The following SH3BGRL2 variants were observed in gnomAD, a reference collection of about 807,000 sequenced individuals.
SH3BGRL2 encodes the protein SH3 domain binding glutamate rich protein like 2.
In SH3BGRL2, 21 loss-of-function variants were observed where a neutral mutation model predicts 14.8. That is an observed-to-expected ratio of 1.42 (90% confidence interval 1.01 to 2.05). The LOEUF (loss-of-function observed/expected upper bound fraction) is 2.05, where lower values mean the gene tolerates loss of function less well. SH3BGRL2 is among the 30% of genes most tolerant of loss of function. SH3BGRL2 has a pLI of 0.00. For missense variants in SH3BGRL2, 147 were observed against 130.8 expected (o/e 1.12, Z -0.61); for synonymous variants, 50 against 47.8 (o/e 1.05, Z -0.19).
At chr6:79,673,824 C>T in intron 2 of SH3BGRL2, 25 bp downstream of exon 2, 1 of 1,601,024 alleles carries the variant, frequency 6.2e-7, no homozygotes. Context: ...TGTTATCATG[C>T]TGTTTCTTTT....
At chr6:79,576,983 C>T in the SH3BGRL2 span, among the ~76,000 whole-genome samples, 1 of 152,112 alleles carries the variant, frequency 6.6e-6, no homozygotes, top group South Asian at 2.1e-4. Context: ...GTAGTTTTAG[C>T]TTTTACATTT....
chr6:79,543,902 C>A, the SH3BGRL2 span, among the ~76,000 whole-genome samples: 1 of 152,236 alleles, frequency 6.6e-6, no homozygotes, highest in East Asian at 1.9e-4. Flanking sequence ...TCTAACAGAA[C>A]CTTTTAAAGA....
chr6:79,609,576 A>G, the SH3BGRL2 span, among the ~76,000 whole-genome samples: 1 of 152,144 alleles, frequency 6.6e-6, no homozygotes, highest in South Asian at 2.1e-4. Context: ...AGTCAACAGA[A>G]CTATCCGAGT....
At chr6:79,572,743 G>A in the SH3BGRL2 span, among the ~76,000 whole-genome samples, 2,867 of 152,278 alleles carry the variant, frequency 0.019, 38 homozygotes, top group Middle Eastern at 0.048. Flanking sequence ...GGGATTACAG[G>A]CGTGAGCCAC....
chr6:79,684,854 T>C (rs1327106803), intron 2 of SH3BGRL2, among the ~76,000 whole-genome samples: 2 of 152,212 alleles, frequency 1.3e-5, no homozygotes, highest in Non-Finnish European at 2.9e-5. Flanking sequence ...AGATCAGTTA[T>C]CTAATCAAGG....
At chr6:79,678,427 C>A (rs777075068) in intron 2 of SH3BGRL2, among the ~76,000 whole-genome samples, 14 of 152,168 alleles carry the variant, frequency 9.2e-5, no homozygotes, top group Non-Finnish European at 2.1e-4. Context: ...CTTAGCATAT[C>A]TTCAAGGTTC....
At chr6:79,628,182 C>T (rs1768764874), upstream of SH3BGRL2, among the ~76,000 whole-genome samples, 1 of 152,048 alleles carries the variant, frequency 6.6e-6, no homozygotes, top group Non-Finnish European at 1.5e-5. Flanking sequence ...AAGAATCATA[C>T]ATATTATCAT....
At chr6:79,584,089 C>T in the SH3BGRL2 span, among the ~76,000 whole-genome samples, 4 of 152,186 alleles carry the variant, frequency 2.6e-5, no homozygotes, top group East Asian at 7.7e-4. Flanking sequence ...GGTTCAAAAT[C>T]GTAGAATTAT....
chr6:79,678,010 A>G (rs1328897911), intron 2 of SH3BGRL2, among the ~76,000 whole-genome samples: 1 of 152,216 alleles, frequency 6.6e-6, no homozygotes, highest in East Asian at 1.9e-4. Flanking sequence ...TGCATCAGAA[A>G]TGAAAACTCA....
At chr6:79,693,379 G>A (rs4333371) in intron 2 of SH3BGRL2, among the ~76,000 whole-genome samples, 94,189 of 149,722 alleles carry the variant, frequency 0.63, 30,194 homozygotes, top group East Asian at 0.93. Flanking sequence ...CCCTGGCCAG[G>A]ACTTCCAACA....
At chr6:79,580,355 C>T in the SH3BGRL2 span, among the ~76,000 whole-genome samples, 1 of 152,224 alleles carries the variant, frequency 6.6e-6, no homozygotes, top group Non-Finnish European at 1.5e-5. Context: ...CTCAGCATCA[C>T]ATCGCACCTA....
At chr6:79,547,491 A>G in the SH3BGRL2 span, among the ~76,000 whole-genome samples, 11 of 152,084 alleles carry the variant, frequency 7.2e-5, no homozygotes, top group Non-Finnish European at 1.2e-4. Flanking sequence ...TGACCTGAAC[A>G]TGCTGAACTG....
intron 1 of SH3BGRL2, among the ~76,000 whole-genome samples, chr6:79,651,078 CTG>C (rs1429608894): frequency 6.6e-6 from 1 of 152,074 alleles, no homozygotes; most frequent in Non-Finnish European, 1.5e-5. Context: ...TGAGGACTGA[CTG>C]ATACAGAAAT....
chr6:79,595,503 G>T, the SH3BGRL2 span, among the ~76,000 whole-genome samples: 1 of 152,122 alleles, frequency 6.6e-6, no homozygotes, highest in African/African-American at 2.4e-5. Context: ...AAAACAAATG[G>T]CCTGTGAATG....
intron 2 of SH3BGRL2, among the ~76,000 whole-genome samples, chr6:79,684,798 G>C (rs1348969163): frequency 6.6e-6 from 1 of 152,134 alleles, no homozygotes; most frequent in Non-Finnish European, 1.5e-5. Context: ...TCTTAGAGAA[G>C]TTTATCTGCA....
chr6:79,673,296 C>T (rs865790392), intron 1 of SH3BGRL2, among the ~76,000 whole-genome samples: 10 of 151,928 alleles, frequency 6.6e-5, no homozygotes, highest in Admixed American at 1.3e-4. Context: ...TGTTAGTGGC[C>T]GGGTGCAGTG....
intron 2 of SH3BGRL2, among the ~76,000 whole-genome samples, chr6:79,694,712 G>A (rs1770294609): frequency 6.6e-6 from 1 of 152,040 alleles, no homozygotes; most frequent in Admixed American, 6.5e-5. Flanking sequence ...AAGCCAGAAA[G>A]TTCAGAGCCA....
chr6:79,562,987 G>A, the SH3BGRL2 span, among the ~76,000 whole-genome samples: 101 of 152,150 alleles, frequency 6.6e-4, 1 homozygote, highest in East Asian at 0.017. Context: ...ACAGAGTCTC[G>A]CTCTGTCACC....
chr6:79,612,286 G>A, the SH3BGRL2 span, among the ~76,000 whole-genome samples: 8 of 152,220 alleles, frequency 5.3e-5, 1 homozygote, highest in South Asian at 4.2e-4. Context: ...AGGCAACAGC[G>A]TGAGACTCTG....
Sources: allele counts gnomAD v4.1 joint callset (sites outside exome capture counted in the v4.1 genomes callset), GRCh38; gene constraint gnomAD v4.1.1; transcripts MANE v1.5; gene names NCBI Gene and HGNC (gene_info 2026-07-23, HGNC 2026-07-21).